The following MED13L variants were observed in gnomAD, a reference collection of about 807,000 sequenced individuals.
The protein encoded by MED13L is mediator of RNA polymerase II transcription subunit 13-like.
A neutral mutation model predicts 220.9 loss-of-function variants in MED13L; 7 were observed. That is an observed-to-expected ratio of 0.03 (90% CI 0.02 to 0.06). MED13L has a LOEUF of 0.06. Ranked by LOEUF, MED13L falls within the 10% of genes least tolerant of loss-of-function variation. The pLI, the probability that MED13L is intolerant of heterozygous loss-of-function variation, is 1.00. For synonymous variants in MED13L, 1,011 were observed against 1,015.2 expected, an observed-to-expected ratio of 1.00 and a Z score of 0.08; for missense variants, 1,965 against 2,760.5, an observed-to-expected ratio of 0.71 and a Z score of 6.46.
intron 2 of MED13L, among the ~76,000 whole-genome samples, chr12:116,135,989 C>T (rs995587085): frequency 2.0e-5 from 3 of 151,782 alleles, no homozygotes; most frequent in African/African-American, 7.3e-5. Flanking sequence ...CTGCAACCTC[C>T]GCCTCCTGGG....
intron 2 of MED13L, among the ~76,000 whole-genome samples, chr12:116,134,598 T>C (rs1296646302): frequency 6.6e-6 from 1 of 152,184 alleles, no homozygotes; most frequent in African/African-American, 2.4e-5. Context: ...ACTTTCATTT[T>C]AGTTGAGAGA....
At chr12:116,255,285 C>T (rs1871941641) in intron 1 of MED13L, among the ~76,000 whole-genome samples, 1 of 152,186 alleles carries the variant, frequency 6.6e-6, no homozygotes, top group African/African-American at 2.4e-5. Flanking sequence ...TTCAATAAGT[C>T]TTCAACAAAT....
intron 29 of MED13L, among the ~76,000 whole-genome samples, chr12:115,964,098 A>C (rs1386437946): frequency 6.6e-6 from 1 of 152,066 alleles, no homozygotes; most frequent in Admixed American, 6.5e-5. Context: ...AAAAAAAAGA[A>C]ACAAACAAAC....
chr12:116,116,025 C>G (rs767512630), intron 2 of MED13L, among the ~76,000 whole-genome samples: 2 of 152,142 alleles, frequency 1.3e-5, no homozygotes, highest in Non-Finnish European at 2.9e-5. Flanking sequence ...GACAATATCC[C>G]GTCGTAATAT....
chr12:116,164,468 G>C (rs1879105584), intron 2 of MED13L, among the ~76,000 whole-genome samples: 1 of 152,148 alleles, frequency 6.6e-6, no homozygotes, highest in Admixed American at 6.6e-5. Context: ...AACTGAAACA[G>C]AGGCTGCTGC....
intron 2 of MED13L, among the ~76,000 whole-genome samples, chr12:116,146,342 G>T (rs1426199981): frequency 6.6e-6 from 1 of 151,838 alleles, no homozygotes; most frequent in Non-Finnish European, 1.5e-5. Flanking sequence ...AGATGGTCTC[G>T]ATCTCCTGAC....
Position 115,991,090 on chromosome 12 carries a change from G to A in MED13L, c.3864C>T (p.Asn1288=). The A allele has an allele frequency of 6.2e-7, 1 of 1,614,178 alleles. No homozygotes were observed. The highest frequency in any genetic ancestry group is 8.5e-7 in the Non-Finnish European group (1 of 1,180,032). The stretch of plus-strand genomic sequence containing the variant: ...CTTCGTCCACTTTTCCACCAGTGGG[G>A]TTATCCACATACTGCCGCCCCTGCT... ...ALEQGRQYVD[N]PTGGKVDEAL... Residue 1288 remains asparagine (N), a synonymous_variant, in exon 17 of 31, where the codon AAC becomes AAT. Transcript: ENST00000281928. The surrounding 1 kb of genome is among the most constrained non-coding windows in gnomAD (Gnocchi z 7.7).
intron 1 of MED13L, among the ~76,000 whole-genome samples, chr12:116,255,417 T>A (rs1365029681): frequency 6.6e-6 from 1 of 152,240 alleles, no homozygotes; most frequent in Non-Finnish European, 1.5e-5. Context: ...AATTAACTAA[T>A]GCTGTAAAAC....
At chr12:116,164,095 T>C (rs972962487) in intron 2 of MED13L, among the ~76,000 whole-genome samples, 5 of 152,206 alleles carry the variant, frequency 3.3e-5, no homozygotes, top group Non-Finnish European at 7.3e-5. Context: ...AACAGGTCCA[T>C]TCACAAGTTC....
intron 4 of MED13L, among the ~76,000 whole-genome samples, chr12:116,084,088 T>C (rs1316431436): frequency 1.3e-5 from 2 of 152,242 alleles, no homozygotes; most frequent in Non-Finnish European, 2.9e-5. Flanking sequence ...CACTGAGCCA[T>C]GTTCAAACTT....
chr12:116,259,002 T>C (rs920034022), intron 1 of MED13L, among the ~76,000 whole-genome samples: 8 of 151,468 alleles, frequency 5.3e-5, no homozygotes, highest in Non-Finnish European at 7.4e-5. Context: ...GCATTATATA[T>C]TGTCCATAGA....
chr12:116,170,262 T>G (rs1167615387), intron 2 of MED13L, among the ~76,000 whole-genome samples: 7 of 152,226 alleles, frequency 4.6e-5, no homozygotes, highest in Non-Finnish European at 8.8e-5. Context: ...CAGCTCACAG[T>G]GGCCAAGTTT....
chr12:116,257,911 T>A (rs1872190108), intron 1 of MED13L, among the ~76,000 whole-genome samples: 1 of 152,170 alleles, frequency 6.6e-6, no homozygotes, highest in African/African-American at 2.4e-5. Context: ...TCTATTTCCC[T>A]ATCTCTGGGA....
At chr12:116,242,586 A>G (rs1448274182) in intron 1 of MED13L, among the ~76,000 whole-genome samples, 1 of 152,222 alleles carries the variant, frequency 6.6e-6, no homozygotes, top group African/African-American at 2.4e-5. Context: ...ACCTATATGC[A>G]CATTATGTAT....
intron 4 of MED13L, among the ~76,000 whole-genome samples, chr12:116,053,081 A>C (rs1868638782): frequency 6.6e-6 from 1 of 152,216 alleles, no homozygotes; most frequent in South Asian, 2.1e-4. Flanking sequence ...GATTTACGGA[A>C]AACATTTTCT....
At chr12:116,013,699 G>A (rs1425817775) in intron 8 of MED13L, among the ~76,000 whole-genome samples, 4 of 152,322 alleles carry the variant, frequency 2.6e-5, no homozygotes, top group South Asian at 2.1e-4. Context: ...AATTGGTAGC[G>A]AAAAGCAGAT....
chr12:116,006,535 T>C, intron 11 of MED13L, 124 bp from the exon 12 acceptor site: 1 of 797,002 alleles, frequency 1.3e-6, no homozygotes, highest in South Asian at 1.4e-5. Flanking sequence ...TGATAAACCA[T>C]GGTCTATGCA....
At chr12:116,083,682 C>T (rs533097952) in intron 4 of MED13L, among the ~76,000 whole-genome samples, 3 of 152,252 alleles carry the variant, frequency 2.0e-5, no homozygotes, top group African/African-American at 4.8e-5. Flanking sequence ...AAACGCTGCA[C>T]GTACAAAAAG....
At chr12:116,229,293 CA>C (rs1371329365) in intron 2 of MED13L, among the ~76,000 whole-genome samples, 1 of 152,150 alleles carries the variant, frequency 6.6e-6, no homozygotes, top group Non-Finnish European at 1.5e-5. Flanking sequence ...AGACAATTTT[CA>C]ACACTATTTG....
Sources: allele counts gnomAD v4.1 joint callset (sites outside exome capture counted in the v4.1 genomes callset), GRCh38; gene constraint gnomAD v4.1.1; non-coding constraint Gnocchi (gnomAD v3.1); transcripts MANE v1.5; gene names NCBI Gene and HGNC (gene_info 2026-07-23, HGNC 2026-07-21).